The following CLNK variants were observed in gnomAD, a reference collection of about 807,000 sequenced individuals.
The protein encoded by CLNK is cytokine-dependent hematopoietic cell linker.
In CLNK, 74 loss-of-function variants were observed where a neutral mutation model predicts 68.6. That is an observed-to-expected ratio of 1.08 (90% CI 0.89 to 1.31). CLNK has a LOEUF of 1.31. Ranked by LOEUF, CLNK falls within the 50% of genes most tolerant of loss-of-function variation. The pLI is 0.00. For synonymous variants in CLNK, 198 were observed against 172.2 expected (o/e 1.15, Z -1.17); for missense variants, 553 against 515.3 (o/e 1.07, Z -0.71).
the CLNK span, among the ~76,000 whole-genome samples, chr4:10,709,930 CA>C: frequency 6.6e-6 from 1 of 152,188 alleles, no homozygotes; most frequent in Non-Finnish European, 1.5e-5. Flanking sequence ...GATCCCAGCT[CA>C]AACCAGCAGA....
intron 7 of CLNK, among the ~76,000 whole-genome samples, chr4:10,559,783 T>C (rs1395328172): frequency 6.6e-6 from 1 of 152,162 alleles, no homozygotes; most frequent in Non-Finnish European, 1.5e-5. Context: ...TACCTACTAA[T>C]GTGTCTGTGG....
At chr4:10,666,224 G>T (rs1372123848) in intron 2 of CLNK, among the ~76,000 whole-genome samples, 2 of 152,212 alleles carry the variant, frequency 1.3e-5, no homozygotes, top group East Asian at 3.8e-4. Flanking sequence ...AGAACTATCA[G>T]TGAATAGATT....
At chr4:10,665,879 T>A (rs1162026670) in intron 2 of CLNK, among the ~76,000 whole-genome samples, 1 of 152,080 alleles carries the variant, frequency 6.6e-6, no homozygotes, top group Non-Finnish European at 1.5e-5. Context: ...CCATCGCTTG[T>A]GAATGTGACC....
chr4:10,693,302 G>A, the CLNK span, among the ~76,000 whole-genome samples: 4 of 152,178 alleles, frequency 2.6e-5, no homozygotes, highest in African/African-American at 9.7e-5. Context: ...TTTGGAAAAA[G>A]GGTCTTTGCA....
chr4:10,539,424 A>G (rs1718929765), intron 11 of CLNK, among the ~76,000 whole-genome samples: 1 of 152,216 alleles, frequency 6.6e-6, no homozygotes, highest in Non-Finnish European at 1.5e-5. Context: ...GAGTTTTTGT[A>G]TCCATGAGAA....
chr4:10,724,364 G>A, the CLNK span, among the ~76,000 whole-genome samples: 2 of 152,062 alleles, frequency 1.3e-5, no homozygotes, highest in East Asian at 1.9e-4. Flanking sequence ...TCTACAACCC[G>A]TCTTCCCTAT....
At chr4:10,699,510 A>ATT in the CLNK span, among the ~76,000 whole-genome samples, 279 of 19,476 alleles carry the variant, frequency 0.014, 12 homozygotes, top group African/African-American at 0.038. Flanking sequence ...ATATATATAT[A>ATT]TATTTTTTTT....
At chr4:10,576,591 T>A (rs1461175816) in intron 4 of CLNK, among the ~76,000 whole-genome samples, 1 of 152,200 alleles carries the variant, frequency 6.6e-6, no homozygotes, top group Non-Finnish European at 1.5e-5. Flanking sequence ...CTTGAACAGC[T>A]CTTCTCGTGT....
chr4:10,681,543 T>C (rs998380002), intron 1 of CLNK, among the ~76,000 whole-genome samples: 1 of 152,234 alleles, frequency 6.6e-6, no homozygotes. Flanking sequence ...CAAACCACAG[T>C]ACCATTTAAA....
chr4:10,540,432 G>T, intron 11 of CLNK, 62 bp downstream of exon 11: 3 of 1,277,752 alleles, frequency 2.3e-6, no homozygotes, highest in Non-Finnish European at 3.4e-6. Context: ...GGTTTCCCTT[G>T]TCCCCCTCCC....
At chr4:10,657,884 T>C (rs1214305110) in intron 2 of CLNK, among the ~76,000 whole-genome samples, 2 of 152,242 alleles carry the variant, frequency 1.3e-5, no homozygotes, top group Non-Finnish European at 2.9e-5. Context: ...TCAAATTATC[T>C]TTCCAATTAC....
chr4:10,522,587 A>AG (rs1167306501), intron 14 of CLNK, among the ~76,000 whole-genome samples: 28 of 151,610 alleles, frequency 1.8e-4, no homozygotes, highest in East Asian at 3.9e-4. Context: ...AAAAAAAAAA[A>AG]AAAGAAAGAA....
intron 10 of CLNK, among the ~76,000 whole-genome samples, chr4:10,541,693 C>T (rs1460500516): frequency 2.0e-5 from 3 of 151,724 alleles, no homozygotes; most frequent in South Asian, 2.1e-4. Flanking sequence ...CAGAAGTATA[C>T]GCAGCAATAC....
chr4:10,700,683 G>A, the CLNK span, among the ~76,000 whole-genome samples: 3 of 152,158 alleles, frequency 2.0e-5, no homozygotes, highest in Non-Finnish European at 4.4e-5. Flanking sequence ...TTTATTTGGT[G>A]CAGGTGGGTC....
chr4:10,672,188 C>T (rs73103727), intron 1 of CLNK, among the ~76,000 whole-genome samples: 2,000 of 152,240 alleles, frequency 0.013, 44 homozygotes, highest in African/African-American at 0.044. Flanking sequence ...GAGGGAACTG[C>T]GCACTATGGG....
chr4:10,522,032 G>A (rs541737493), intron 14 of CLNK, among the ~76,000 whole-genome samples: 79 of 152,252 alleles, frequency 5.2e-4, no homozygotes, highest in African/African-American at 1.9e-3. Flanking sequence ...GCTGAGGCAG[G>A]CGGATCACAA....
In CLNK at chr4:10,649,733, G is replaced by T. The variant is rs1184740041; in HGVS notation, c.11+18126C>A. Among the ~76,000 whole-genome samples, 3 of 152,120 alleles carry T rather than the reference G, an allele frequency of 2.0e-5. No individual in the cohort carries two copies. The East Asian group carries it at 5.8e-4, about 29-fold the overall frequency. ...TAGATTGTCTAGAAACCTTCAATCT[G>T]AGTAATGTAAGGAAGGCCTGTTTTA... is the stretch of plus-strand genomic sequence containing the variant. On this transcript the variant is annotated intron_variant, in intron 2 of 18. Transcript: ENST00000226951.
the CLNK span, among the ~76,000 whole-genome samples, chr4:10,724,078 G>T: frequency 1.3e-5 from 2 of 152,138 alleles, no homozygotes; most frequent in Non-Finnish European, 2.9e-5. Context: ...GGGGTTGGGG[G>T]ATGCTCTCAG....
intron 2 of CLNK, 80 bp from the exon 3 acceptor site, chr4:10,598,129 GA>G: frequency 1.1e-6 from 1 of 904,910 alleles, no homozygotes; most frequent in South Asian, 1.5e-5. Flanking sequence ...TTCATTCATA[GA>G]AAGAGCCACC....
Sources: gnomAD v4.1 joint callset for allele counts (sites outside exome capture counted in the v4.1 genomes callset) on GRCh38, gnomAD v4.1.1 for gene constraint, MANE v1.5 for transcripts, NCBI Gene and HGNC (gene_info 2026-07-23, HGNC 2026-07-21) for gene names.